The following PDE1C variants were observed in gnomAD, a reference collection of about 807,000 sequenced individuals.
The protein encoded by PDE1C is phosphodiesterase 1C.
In PDE1C, 62 loss-of-function variants were observed where a neutral mutation model predicts 93.1. The ratio of observed to expected loss-of-function variants is 0.67; its 90% CI spans 0.54 to 0.82. The LOEUF is 0.82. PDE1C is among the 40% of genes least tolerant of loss of function. The pLI, the probability that PDE1C is intolerant of heterozygous loss-of-function variation, is 0.00. For missense variants in PDE1C, 742 were observed against 884.6 expected (o/e 0.84, Z 2.04); for synonymous variants, 325 against 310.1 (o/e 1.05, Z -0.50).
At chr7:32,341,732 A>C (rs1783761796) in intron 1 of PDE1C, among the ~76,000 whole-genome samples, 1 of 152,178 alleles carries the variant, frequency 6.6e-6, no homozygotes, top group Non-Finnish European at 1.5e-5. Flanking sequence ...AAAATCCATC[A>C]GTGCGTAACC....
chr7:32,311,771 A>G (rs930244946), intron 1 of PDE1C, among the ~76,000 whole-genome samples: 3 of 152,158 alleles, frequency 2.0e-5, no homozygotes, highest in African/African-American at 7.2e-5. Context: ...AATAAGAGCT[A>G]TCTATGATAA....
chr7:31,694,380 T>A, the PDE1C span, among the ~76,000 whole-genome samples: 1 of 109,184 alleles, frequency 9.2e-6, no homozygotes, highest in East Asian at 3.2e-4. Context: ...TCTCTCTCTC[T>A]CTCTCAAACA....
chr7:31,708,352 C>CACAACTAAGAGT, the PDE1C span: 1 of 152,200 alleles, frequency 6.6e-6, no homozygotes, highest in East Asian at 1.9e-4. Context: ...TTTGGTAGCT[C>CACAACTAAGAGT]TGTATGTATG....
intron 2 of PDE1C, among the ~76,000 whole-genome samples, chr7:31,961,387 T>C (rs774865779): frequency 2.0e-5 from 3 of 152,134 alleles, no homozygotes; most frequent in Non-Finnish European, 4.4e-5. Flanking sequence ...TGGTAAAATA[T>C]ATAAAGTATA....
At chr7:32,219,894 G>A (rs185515020) in intron 1 of PDE1C, among the ~76,000 whole-genome samples, 24 of 152,318 alleles carry the variant, frequency 1.6e-4, no homozygotes, top group Admixed American at 1.4e-3. Context: ...GAGGGACCCA[G>A]TGGGAGATAA....
At chr7:31,798,102 G>A (rs1171831401) in intron 16 of PDE1C, among the ~76,000 whole-genome samples, 2 of 151,754 alleles carry the variant, frequency 1.3e-5, no homozygotes, top group Admixed American at 1.3e-4. Context: ...GATACAATTT[G>A]ACTTTCCAAG....
At chr7:31,715,537 C>G in the PDE1C span, among the ~76,000 whole-genome samples, 87 of 152,340 alleles carry the variant, frequency 5.7e-4, 1 homozygote, top group South Asian at 0.017. Flanking sequence ...CGGCATCCAG[C>G]CTGTAAAGGC....
intron 1 of PDE1C, among the ~76,000 whole-genome samples, chr7:32,235,955 C>T (rs1808044520): frequency 6.6e-6 from 1 of 151,972 alleles, no homozygotes; most frequent in South Asian, 2.1e-4. Flanking sequence ...AAATAATCAA[C>T]AGAACAGAAT....
intron 2 of PDE1C, among the ~76,000 whole-genome samples, chr7:31,928,450 T>C (rs1299922238): frequency 1.3e-5 from 2 of 152,074 alleles, no homozygotes; most frequent in Non-Finnish European, 2.9e-5. Flanking sequence ...AAGATACTCC[T>C]TAAGAAGAGT....
At chr7:32,060,804 T>C (rs143971542) in intron 1 of PDE1C, among the ~76,000 whole-genome samples, 2,598 of 152,318 alleles carry the variant, frequency 0.017, 85 homozygotes, top group African/African-American at 0.06. Context: ...TGATTTATGA[T>C]AATTAATCCT....
chr7:32,096,813 G>A (rs942396240), intron 3 of PDE1C, among the ~76,000 whole-genome samples: 78 of 85,844 alleles, frequency 9.1e-4, no homozygotes, highest in Middle Eastern at 4.9e-3. Context: ...AACCAGTAGG[G>A]GATAGAAAGA....
At chr7:31,971,937 T>C (rs375108392) in intron 2 of PDE1C, among the ~76,000 whole-genome samples, 4 of 152,222 alleles carry the variant, frequency 2.6e-5, no homozygotes, top group African/African-American at 9.6e-5. Flanking sequence ...GTAACTAGTC[T>C]TGGGTGTCCA....
chr7:32,048,747 T>G (rs904662998), intron 2 of PDE1C, among the ~76,000 whole-genome samples: 1 of 152,182 alleles, frequency 6.6e-6, no homozygotes, highest in Non-Finnish European at 1.5e-5. Flanking sequence ...AATTCAATGA[T>G]GGATCAGAAG....
At chr7:32,004,254 G>GA (rs34894441) in intron 2 of PDE1C, among the ~76,000 whole-genome samples, 44,154 of 150,288 alleles carry the variant, frequency 0.29, 6,729 homozygotes, top group African/African-American at 0.36. Flanking sequence ...CAAAAAACCT[G>GA]AAAAAAAAAC....
At chr7:31,652,920 C>T in the PDE1C span, 12 of 1,533,344 alleles carry the variant, frequency 7.8e-6, no homozygotes, top group East Asian at 2.3e-4. Context: ...GGAGAAGGGT[C>T]TGCCAACCCA....
chr7:32,115,704 T>C (rs546949634), intron 3 of PDE1C, among the ~76,000 whole-genome samples: 4 of 152,310 alleles, frequency 2.6e-5, no homozygotes, highest in African/African-American at 9.6e-5. Flanking sequence ...TCGACAATAG[T>C]GTAACAGTTT....
chr7:31,712,314 T>C, the PDE1C span, among the ~76,000 whole-genome samples: 2 of 138,442 alleles, frequency 1.4e-5, no homozygotes, highest in Non-Finnish European at 3.1e-5. Context: ...AAAAAGACTT[T>C]GTAAGAAGCC....
intron 2 of PDE1C, among the ~76,000 whole-genome samples, chr7:32,026,274 G>A (rs1260194937): frequency 1.3e-5 from 2 of 152,134 alleles, no homozygotes; most frequent in Non-Finnish European, 2.9e-5. Context: ...GGCACATGGG[G>A]CAAAGCTGGC....
chr7:32,017,984 G>C (rs1240693259), intron 2 of PDE1C, among the ~76,000 whole-genome samples: 1 of 151,944 alleles, frequency 6.6e-6, no homozygotes, highest in East Asian at 1.9e-4. Context: ...GGAGGCTGAG[G>C]TAGGAGGATT....
Sources: gnomAD v4.1 joint callset for allele counts (sites outside exome capture counted in the v4.1 genomes callset) on GRCh38, gnomAD v4.1.1 for gene constraint, MANE v1.5 for transcripts, NCBI Gene and HGNC (gene_info 2026-07-23, HGNC 2026-07-21) for gene names.